Variants in CTNNBL1 observed in about 807,000 individuals in gnomAD.
The protein encoded by CTNNBL1 is catenin beta like 1.
A neutral mutation model predicts 72.7 loss-of-function variants in CTNNBL1; 31 were observed. The ratio of observed to expected loss-of-function variants is 0.43; its 90% CI spans 0.32 to 0.58. The LOEUF is 0.58. Among genes scored for constraint, CTNNBL1 ranks in the 20% least tolerant of loss-of-function variants. The pLI, the probability that CTNNBL1 is intolerant of heterozygous loss-of-function variation, is 0.08. For synonymous variants in CTNNBL1, 240 were observed against 267.3 expected (o/e 0.90, Z 1.00); for missense variants, 534 against 725.1 (o/e 0.74, Z 3.03).
At chr20:37,817,435 T>G (rs927197016) in intron 11 of CTNNBL1, among the ~76,000 whole-genome samples, 1 of 152,196 alleles carries the variant, frequency 6.6e-6, no homozygotes, top group African/African-American at 2.4e-5. Flanking sequence ...TAAAATATAT[T>G]TCATACAAAG....
At chr20:37,694,249 C>A in intron 1 of CTNNBL1, 97 bp downstream of exon 1, 1 of 1,146,270 alleles carries the variant, frequency 8.7e-7, no homozygotes, top group Non-Finnish European at 1.2e-6. Context: ...CGCCTCACTC[C>A]CGGGCCCTCT....
chr20:37,792,597 G>A (rs1159983043), intron 10 of CTNNBL1, among the ~76,000 whole-genome samples: 4 of 152,084 alleles, frequency 2.6e-5, no homozygotes, highest in Admixed American at 6.5e-5. Flanking sequence ...GGAAATGCTC[G>A]TTGGAGCATT....
chr20:37,746,734 T>G lies in CTNNBL1; in HGVS notation c.466+127T>G. On this transcript the variant is annotated intron_variant, in intron 4 of 15. Coordinates refer to ENST00000361383, the MANE Select transcript of CTNNBL1 (RefSeq NM_030877.5). Reference sequence around the variant, plus strand: ...ATGTTCTGTTTCCATTCTAATTATCTTCTGTCTTGAAACACACAATGCTTT... The same window carrying G: ...ATGTTCTGTTTCCATTCTAATTATCGTCTGTCTTGAAACACACAATGCTTT... 2.5e-6 allele frequency: 3 copies of G among 1,223,426 alleles called. No homozygotes were observed. The South Asian group carries it at 3.7e-5, about 15-fold the overall frequency. 75.8% of individuals were successfully genotyped at this position (1,223,426 alleles called of 1,614,324 possible).
intron 1 of CTNNBL1, among the ~76,000 whole-genome samples, chr20:37,705,895 C>T (rs937981666): frequency 2.0e-5 from 3 of 152,072 alleles, no homozygotes; most frequent in African/African-American, 7.2e-5. Flanking sequence ...AGCCATTTAC[C>T]TCTTTAGTAT....
intron 5 of CTNNBL1, among the ~76,000 whole-genome samples, chr20:37,764,403 T>A (rs1382426001): frequency 6.6e-6 from 1 of 152,092 alleles, no homozygotes; most frequent in Non-Finnish European, 1.5e-5. Flanking sequence ...GCACAGGAGG[T>A]AGCATGAAGT....
At chr20:37,777,550 G>A in intron 8 of CTNNBL1, 104 bp from the exon 9 acceptor site, 3 of 1,389,730 alleles carry the variant, frequency 2.2e-6, no homozygotes, top group Non-Finnish European at 2.0e-6. Context: ...TTTGTACTCT[G>A]TCAAGCTGTA....
intron 2 of CTNNBL1, among the ~76,000 whole-genome samples, chr20:37,735,492 G>A (rs2073163881): frequency 6.6e-6 from 1 of 152,202 alleles, no homozygotes; most frequent in South Asian, 2.1e-4. Context: ...ATGAAGCTTT[G>A]AGAAATATAT....
intron 1 of CTNNBL1, among the ~76,000 whole-genome samples, chr20:37,716,758 T>G (rs1472848176): frequency 2.0e-5 from 3 of 152,218 alleles, no homozygotes. Context: ...TATATAATCT[T>G]GCTACATTTT....
At chr20:37,823,984 G>C (rs1424503303) in intron 11 of CTNNBL1, among the ~76,000 whole-genome samples, 2 of 152,172 alleles carry the variant, frequency 1.3e-5, no homozygotes, top group African/African-American at 4.8e-5. Flanking sequence ...TTTTTTATGT[G>C]TTTAGTTGGG....
chr20:37,747,515 T>G (rs1416360551), intron 4 of CTNNBL1, among the ~76,000 whole-genome samples: 2 of 152,032 alleles, frequency 1.3e-5, no homozygotes, highest in Non-Finnish European at 2.9e-5. Context: ...ACGGTGCCCT[T>G]CCACAACTTG....
intron 5 of CTNNBL1, among the ~76,000 whole-genome samples, chr20:37,758,317 C>T (rs2073383186): frequency 6.6e-6 from 1 of 152,166 alleles, no homozygotes; most frequent in South Asian, 2.1e-4. Flanking sequence ...TAGGCAAGGC[C>T]TCAGAATGTT....
At chr20:37,712,014 G>T (rs6125957) in intron 1 of CTNNBL1, among the ~76,000 whole-genome samples, 2 of 152,230 alleles carry the variant, frequency 1.3e-5, no homozygotes, top group African/African-American at 2.4e-5. Flanking sequence ...CATCTACAGA[G>T]TGGAGAATTG....
At chr20:37,754,833 G>A (rs1600466048) in intron 4 of CTNNBL1, among the ~76,000 whole-genome samples, 2 of 150,894 alleles carry the variant, frequency 1.3e-5, no homozygotes, top group Non-Finnish European at 3.0e-5. Context: ...TTTGAGACAG[G>A]GTCTCGCTTT....
chr20:37,737,972 C>T (rs981278581), intron 3 of CTNNBL1, among the ~76,000 whole-genome samples: 7 of 152,172 alleles, frequency 4.6e-5, no homozygotes, highest in Non-Finnish European at 7.3e-5. Flanking sequence ...TTCAGTGCCC[C>T]GGGCTGACAA....
intron 13 of CTNNBL1, among the ~76,000 whole-genome samples, chr20:37,849,328 G>A (rs1166041387): frequency 6.6e-6 from 1 of 152,148 alleles, no homozygotes; most frequent in Non-Finnish European, 1.5e-5. Flanking sequence ...CATCGCCCTC[G>A]GGATGCAGTC....
chr20:37,746,425 T>C (rs1004625790), intron 3 of CTNNBL1, 43 bp from the exon 4 acceptor site: 1 of 1,597,760 alleles, frequency 6.3e-7, no homozygotes, highest in South Asian at 1.1e-5. Flanking sequence ...TCATTGCTGA[T>C]AGTGCCCCTT....
intron 1 of CTNNBL1, among the ~76,000 whole-genome samples, chr20:37,729,135 G>A (rs539420573): frequency 1.3e-5 from 2 of 152,288 alleles, no homozygotes; most frequent in South Asian, 4.1e-4. Flanking sequence ...ATATTTATAG[G>A]TGGATGTTTT....
At chr20:37,759,659 G>T (rs1474740624) in intron 5 of CTNNBL1, among the ~76,000 whole-genome samples, 3 of 151,978 alleles carry the variant, frequency 2.0e-5, no homozygotes, top group East Asian at 1.9e-4. Flanking sequence ...TTAAGATTTT[G>T]ACTCTTACAG....
chr20:37,838,942 T>G (rs1416266973), intron 11 of CTNNBL1, among the ~76,000 whole-genome samples: 2 of 152,126 alleles, frequency 1.3e-5, no homozygotes, highest in Admixed American at 1.3e-4. Flanking sequence ...AGAGGGCAGG[T>G]AGACAGCTGA....
Sources: allele counts gnomAD v4.1 joint callset (sites outside exome capture counted in the v4.1 genomes callset), GRCh38; gene constraint gnomAD v4.1.1; transcripts MANE v1.5; gene names NCBI Gene and HGNC (gene_info 2026-07-23, HGNC 2026-07-21).